Variants in TBC1D19 observed in about 807,000 individuals in gnomAD.
TBC1D19 encodes the protein TBC1 domain family, member 19.
In TBC1D19, 60 loss-of-function variants were observed where a neutral mutation model predicts 89.0. The ratio of observed to expected loss-of-function variants is 0.67; its 90% CI spans 0.55 to 0.84. The LOEUF (loss-of-function observed/expected upper bound fraction) is 0.84, where lower values mean the gene tolerates loss of function less well. Among genes scored for constraint, TBC1D19 ranks in the 40% least tolerant of loss-of-function variants. TBC1D19 has a pLI of 0.00. For missense variants in TBC1D19, 500 were observed against 610.8 expected (o/e 0.82, Z 1.91); for synonymous variants, 189 against 199.7 (o/e 0.95, Z 0.45).
chr4:26,791,056 T>G, the TBC1D19 span, among the ~76,000 whole-genome samples: 1 of 152,116 alleles, frequency 6.6e-6, no homozygotes, highest in African/African-American at 2.4e-5. Context: ...CTGGTCAACC[T>G]GCTCCTAGTT....
intron 3 of TBC1D19, among the ~76,000 whole-genome samples, chr4:26,618,029 T>G (rs1741806459): frequency 6.6e-6 from 1 of 151,952 alleles, no homozygotes; most frequent in African/African-American, 2.4e-5. Flanking sequence ...GCTGGGAGAG[T>G]GCTCAAGCAG....
chr4:26,580,382 C>G (rs2109920192), upstream of TBC1D19, among the ~76,000 whole-genome samples: 1 of 152,248 alleles, frequency 6.6e-6, no homozygotes, highest in Non-Finnish European at 1.5e-5. Flanking sequence ...CATCAGACAT[C>G]CCGAGGCAGG....
the TBC1D19 span, among the ~76,000 whole-genome samples, chr4:26,811,900 A>G: frequency 6.6e-6 from 1 of 152,226 alleles, no homozygotes; most frequent in Non-Finnish European, 1.5e-5. Context: ...AACCTGTGTT[A>G]TCAGCAAGGC....
chr4:26,638,951 T>G (rs1743311767), intron 6 of TBC1D19, 117 bp downstream of exon 6: 1 of 835,112 alleles, frequency 1.2e-6, no homozygotes, highest in African/African-American at 1.8e-5. Context: ...TCCTTCTCAT[T>G]AATTTTCTAT....
chr4:26,710,689 CTGT>C (rs1452247805), intron 13 of TBC1D19, among the ~76,000 whole-genome samples: 2 of 152,174 alleles, frequency 1.3e-5, no homozygotes, highest in Non-Finnish European at 2.9e-5. Flanking sequence ...TCTCCAGCAC[CTGT>C]TGTTTCCTGA....
At chr4:26,696,121 G>A (rs1190436950) in intron 13 of TBC1D19, among the ~76,000 whole-genome samples, 5 of 152,198 alleles carry the variant, frequency 3.3e-5, no homozygotes, top group Admixed American at 2.0e-4. Context: ...CCCATCTCAT[G>A]TGCAGAGGCA....
intron 18 of TBC1D19, among the ~76,000 whole-genome samples, chr4:26,746,415 T>C (rs1718651121): frequency 6.6e-6 from 1 of 151,330 alleles, no homozygotes; most frequent in Non-Finnish European, 1.5e-5. Context: ...GATTGGACAT[T>C]TTCTACTGAT....
chr4:26,642,612 C>T (rs937945214), intron 7 of TBC1D19, among the ~76,000 whole-genome samples: 4 of 152,110 alleles, frequency 2.6e-5, no homozygotes, highest in African/African-American at 9.7e-5. Flanking sequence ...GCTAAATTCC[C>T]CAATTAAAAG....
intron 7 of TBC1D19, among the ~76,000 whole-genome samples, chr4:26,659,335 T>G (rs1745071919): frequency 6.6e-6 from 1 of 152,194 alleles, no homozygotes. Flanking sequence ...TTTTTATTTT[T>G]AAGTAAATTC....
In TBC1D19 at chr4:26,754,963, C is replaced by G. The variant is rs767016732; in HGVS notation, c.*16C>G. 1.3e-6 allele frequency: 2 copies of G among 1,591,524 alleles called. No homozygotes were observed. The highest frequency in any genetic ancestry group is 2.3e-5 in the South Asian group (2 of 87,396). Reference sequence around the variant, plus strand: ...TGTCACCTGATCTTCTTCACAGTCACTGGCAACACATCTAGTTTTTCATTA... The same window carrying G: ...TGTCACCTGATCTTCTTCACAGTCAGTGGCAACACATCTAGTTTTTCATTA... On this transcript the variant is annotated 3_prime_UTR_variant, in exon 21 of 21. Coordinates refer to ENST00000264866, the MANE Select transcript of TBC1D19 (RefSeq NM_018317.4).
At chr4:26,830,876 T>C in the TBC1D19 span, among the ~76,000 whole-genome samples, 3 of 152,328 alleles carry the variant, frequency 2.0e-5, no homozygotes, top group South Asian at 6.2e-4. Flanking sequence ...CTCAGACCTC[T>C]GCGAGCTCTT....
At chr4:26,780,346 T>A in the TBC1D19 span, among the ~76,000 whole-genome samples, 2 of 152,224 alleles carry the variant, frequency 1.3e-5, no homozygotes, top group Non-Finnish European at 2.9e-5. Flanking sequence ...ATAACCTTTT[T>A]ACCCTGCGGA....
the TBC1D19 span, among the ~76,000 whole-genome samples, chr4:26,790,837 A>G: frequency 6.6e-6 from 1 of 152,228 alleles, no homozygotes; most frequent in Admixed American, 6.5e-5. Context: ...TTTTTCAGCC[A>G]AATGGAGTTT....
At chr4:26,833,179 A>G in the TBC1D19 span, among the ~76,000 whole-genome samples, 1 of 152,156 alleles carries the variant, frequency 6.6e-6, no homozygotes, top group Non-Finnish European at 1.5e-5. Flanking sequence ...GCCAGGTAAC[A>G]GATATATTTA....
At chr4:26,612,609 A>C (rs1741450429) in intron 1 of TBC1D19, among the ~76,000 whole-genome samples, 1 of 152,072 alleles carries the variant, frequency 6.6e-6, no homozygotes, top group African/African-American at 2.4e-5. Flanking sequence ...TTTTTGGTAA[A>C]AATTACAGTG....
chr4:26,718,617 G>A (rs1024752726), intron 14 of TBC1D19, among the ~76,000 whole-genome samples: 4 of 152,004 alleles, frequency 2.6e-5, no homozygotes, highest in African/African-American at 9.7e-5. Context: ...TTTCCATGAA[G>A]AAAGAAACTT....
intron 7 of TBC1D19, among the ~76,000 whole-genome samples, chr4:26,641,441 A>T (rs1315215628): frequency 6.6e-6 from 1 of 152,224 alleles, no homozygotes; most frequent in Non-Finnish European, 1.5e-5. Context: ...ATCAAAGACC[A>T]AAGGTAGATA....
At chr4:26,636,488 T>TAA (rs71643685) in intron 4 of TBC1D19, among the ~76,000 whole-genome samples, 52,837 of 130,914 alleles carry the variant, frequency 0.4, 11,884 homozygotes, top group East Asian at 0.57. Flanking sequence ...GTCAGTATCA[T>TAA]AAAAAAAAAA....
intron 13 of TBC1D19, among the ~76,000 whole-genome samples, chr4:26,700,315 TATC>T (rs1429158236): frequency 6.6e-6 from 1 of 152,182 alleles, no homozygotes; most frequent in Non-Finnish European, 1.5e-5. Context: ...TACCCAGACA[TATC>T]ATAGTCAAAC....
Sources: allele counts gnomAD v4.1 joint callset (sites outside exome capture counted in the v4.1 genomes callset), GRCh38; gene constraint gnomAD v4.1.1; transcripts MANE v1.5; gene names NCBI Gene and HGNC (gene_info 2026-07-23, HGNC 2026-07-21).